Variants in TSPAN18 observed in about 807,000 individuals in gnomAD.
TSPAN18 encodes the protein tetraspanin 18.
In TSPAN18, 14 loss-of-function variants were observed where a neutral mutation model predicts 27.3. The observed-to-expected ratio is 0.51, with a 90% CI of 0.34 to 0.80. The LOEUF (loss-of-function observed/expected upper bound fraction) is 0.80, where lower values mean the gene tolerates loss of function less well. Among genes scored for constraint, TSPAN18 ranks in the 30% least tolerant of loss-of-function variants. The probability of loss-of-function intolerance (pLI) is 0.01; values close to 1 mark genes in which losing one functional copy is unlikely to be tolerated. For missense variants in TSPAN18, 268 were observed against 323.9 expected, an observed-to-expected ratio of 0.83 and a Z score of 1.32; for synonymous variants, 143 against 136.5, an observed-to-expected ratio of 1.05 and a Z score of -0.33.
intron 2 of TSPAN18, among the ~76,000 whole-genome samples, chr11:44,819,693 T>C (rs1434599815): frequency 6.8e-6 from 1 of 146,598 alleles, no homozygotes; most frequent in Non-Finnish European, 1.6e-5. Context: ...TTTCTTGAGC[T>C]TGGAAGGCTT....
Position 44,880,011 on chromosome 11 carries a change from G to A in TSPAN18, c.-11+19542G>A, listed in dbSNP as rs150737463. On this transcript the variant is annotated intron_variant, in intron 3 of 9. Coordinates refer to ENST00000520358, the MANE Select transcript of TSPAN18 (RefSeq NM_130783.5). ...TCAGCCCAGACAGCTGAGCCTCACC[G>A]CACCAAGGAGGCGACGCTGGGGGGA... 1.8e-3 allele frequency among the ~76,000 whole-genome samples: 274 copies of A among 152,334 alleles called. 6 individuals carry two copies. The East Asian group carries it at 0.044, about 24-fold the overall frequency.
intron 2 of TSPAN18, among the ~76,000 whole-genome samples, chr11:44,855,149 G>T (rs556947570): frequency 1.3e-5 from 2 of 148,858 alleles, no homozygotes; most frequent in Admixed American, 6.7e-5. Context: ...CATCCTGAAG[G>T]TTTTTTTTTT....
chr11:44,784,188 C>T (rs1856003956), intron 2 of TSPAN18, among the ~76,000 whole-genome samples: 1 of 152,176 alleles, frequency 6.6e-6, no homozygotes, highest in Non-Finnish European at 1.5e-5. Flanking sequence ...AGTCCCAGAT[C>T]CAGAGTCCCC....
intron 2 of TSPAN18, among the ~76,000 whole-genome samples, chr11:44,812,523 G>C (rs1405118824): frequency 6.6e-6 from 1 of 152,126 alleles, no homozygotes; most frequent in East Asian, 1.9e-4. Context: ...CTCACAGAGG[G>C]GGCACCACGT....
At position 44,879,452 on chromosome 11, in the gene TSPAN18, T is replaced by C. The variant is rs185477489; in HGVS notation, c.-11+18983T>C. On this transcript the variant is annotated intron_variant, in intron 3 of 9. Coordinates refer to ENST00000520358, the MANE Select transcript of TSPAN18 (RefSeq NM_130783.5). The stretch of plus-strand genomic sequence containing the variant: ...AGGGGACAGACAGTGATGGAGCGCG[T>C]GGGGTTTTGTGTGAGAGGGGCTTAG... Among the ~76,000 whole-genome samples, 834 of 152,008 alleles carry C rather than the reference T, an allele frequency of 5.5e-3. 5 individuals are homozygous for C. The highest frequency in any genetic ancestry group is 0.019 in the African/African-American group (804 of 41,434).
intron 3 of TSPAN18, among the ~76,000 whole-genome samples, chr11:44,876,551 AAGG>A (rs1222341787): frequency 1.3e-5 from 2 of 152,156 alleles, no homozygotes; most frequent in Non-Finnish European, 2.9e-5. Flanking sequence ...GGAGTGTGAG[AAGG>A]AGTTTTCCAG....
At chr11:44,926,264 C>A in intron 8 of TSPAN18, 1 of 178,790 alleles carries the variant, frequency 5.6e-6, no homozygotes. Context: ...TGTGGATCCC[C>A]AGGGACCACC....
At chr11:44,759,487 CTCTT>C (rs746670061) in intron 1 of TSPAN18, among the ~76,000 whole-genome samples, 2 of 152,190 alleles carry the variant, frequency 1.3e-5, no homozygotes, top group Non-Finnish European at 2.9e-5. Context: ...CATTCTCTCT[CTCTT>C]TCTCACCATT....
At chr11:44,820,458 T>G in intron 2 of TSPAN18, among the ~76,000 whole-genome samples, 1 of 152,212 alleles carries the variant, frequency 6.6e-6, no homozygotes, top group South Asian at 2.1e-4. Context: ...TGGACAGAGC[T>G]TTTTGCAATA....
At chr11:44,864,110 A>G (rs1340715612) in intron 3 of TSPAN18, among the ~76,000 whole-genome samples, 3 of 151,882 alleles carry the variant, frequency 2.0e-5, no homozygotes, top group African/African-American at 7.3e-5. Flanking sequence ...AACATAGTGA[A>G]ACCCCGTCTC....
chr11:44,737,033 G>A (rs753999582), intron 1 of TSPAN18, among the ~76,000 whole-genome samples: 31 of 152,224 alleles, frequency 2.0e-4, no homozygotes, highest in African/African-American at 5.8e-4. Context: ...AGTGCCTGGG[G>A]TTGAACAGAT....
At chr11:44,773,055 T>C (rs894741958) in intron 2 of TSPAN18, among the ~76,000 whole-genome samples, 2 of 152,354 alleles carry the variant, frequency 1.3e-5, no homozygotes, top group South Asian at 2.1e-4. Flanking sequence ...TTCACACCTA[T>C]GCAAACACAA....
chr11:44,728,582 AAATT>A (rs1854576735), intron 1 of TSPAN18, among the ~76,000 whole-genome samples: 1 of 152,066 alleles, frequency 6.6e-6, no homozygotes, highest in Non-Finnish European at 1.5e-5. Context: ...CAGAAGTGTT[AAATT>A]TCTCAGCAGT....
At chr11:44,871,932 C>CT (rs1284234778) in intron 3 of TSPAN18, among the ~76,000 whole-genome samples, 18 of 151,206 alleles carry the variant, frequency 1.2e-4, no homozygotes, top group South Asian at 4.2e-4. Context: ...TTCTCTTCCT[C>CT]TTTTTTTTTG....
At chr11:44,793,328 G>T (rs1856273246) in intron 2 of TSPAN18, among the ~76,000 whole-genome samples, 1 of 152,170 alleles carries the variant, frequency 6.6e-6, no homozygotes, top group Non-Finnish European at 1.5e-5. Context: ...CCACTCCAGG[G>T]ACTCAAGGGC....
At position 44,908,815 on chromosome 11, in the gene TSPAN18, G is replaced by GAAAGAAAGAAAGAAAGA. The variant is rs1554938139; in HGVS notation, c.64-875_64-874insGAAAAGAAAGAAAGAAA. 4.0e-3 allele frequency among the ~76,000 whole-genome samples: 466 copies of GAAAGAAAGAAAGAAAGA among 115,240 alleles called. 36 individuals carry two copies. Among genetic ancestry groups the GAAAGAAAGAAAGAAAGA allele is most frequent in the East Asian group, 0.029 (135 of 4,646 alleles). 75.6% of individuals were successfully genotyped at this position (115,240 alleles called of 152,430 possible). ...AGAAAGAAAGAAAGAAAGAAAGAAA[G>GAAAGAAAGAAAGAAAGA]AAAGAAAGAAAGAAAAAGAAAAATG... is the stretch of plus-strand genomic sequence containing the variant. On this transcript the variant is annotated intron_variant, in intron 4 of 9. Transcript: ENST00000520358.
chr11:44,882,681 G>T lies in TSPAN18; in HGVS notation c.-11+22212G>T, dbSNP rs1165927736. On this transcript the variant is annotated intron_variant, in intron 3 of 9. Coordinates refer to ENST00000520358, the MANE Select transcript of TSPAN18 (RefSeq NM_130783.5). ...TGTGTGTTCCAAGAGGGAAGAGAGA[G>T]CAGAGACAGAGAGACAAGACTCTGA... 4.6e-5 allele frequency among the ~76,000 whole-genome samples: 7 copies of T among 151,718 alleles called. No individual in the cohort carries two copies. In the South Asian group the frequency reaches 1.2e-3, roughly 27 times the overall value.
At chr11:44,848,596 G>A (rs1380493362) in intron 2 of TSPAN18, among the ~76,000 whole-genome samples, 1 of 152,218 alleles carries the variant, frequency 6.6e-6, no homozygotes, top group Non-Finnish European at 1.5e-5. Flanking sequence ...GAGTGAGGAG[G>A]GGGCGGGGGA....
intron 2 of TSPAN18, among the ~76,000 whole-genome samples, chr11:44,782,002 T>C (rs1338439894): frequency 1.3e-5 from 2 of 152,264 alleles, no homozygotes; most frequent in African/African-American, 4.8e-5. Context: ...TTCATTTACA[T>C]TGGTGCCTGT....
Sources: allele counts gnomAD v4.1 joint callset (sites outside exome capture counted in the v4.1 genomes callset), GRCh38; gene constraint gnomAD v4.1.1; transcripts MANE v1.5; gene names NCBI Gene and HGNC (gene_info 2026-07-23, HGNC 2026-07-21).